Variants in NOVA1 observed in about 807,000 individuals in gnomAD.
NOVA1 encodes RNA-binding protein Nova-1.
A neutral mutation model predicts 38.0 loss-of-function variants in NOVA1; 7 were observed. The ratio of observed to expected loss-of-function variants is 0.18; its 90% CI spans 0.10 to 0.35. The LOEUF is 0.35. Among genes scored for constraint, NOVA1 ranks in the 10% least tolerant of loss-of-function variants. NOVA1 has a pLI of 1.00. For missense variants in NOVA1, 460 were observed against 616.0 expected (o/e 0.75, Z 2.68); for synonymous variants, 270 against 232.5 (o/e 1.16, Z -1.47).
chr14:26,469,793 G>C (rs1346691359), intron 4 of NOVA1, among the ~76,000 whole-genome samples: 2 of 152,066 alleles, frequency 1.3e-5, no homozygotes, highest in African/African-American at 4.8e-5. Flanking sequence ...CAGGGTCTTG[G>C]CTATGTTATG....
chr14:26,587,385 A>C (rs1175997218), intron 2 of NOVA1, among the ~76,000 whole-genome samples: 1 of 150,914 alleles, frequency 6.6e-6, no homozygotes, highest in African/African-American at 2.4e-5. Context: ...GTATGCCTAT[A>C]TTCCTCGAAT....
intron 2 of NOVA1, among the ~76,000 whole-genome samples, chr14:26,482,197 A>G (rs1160859805): frequency 3.9e-5 from 6 of 152,180 alleles, no homozygotes; most frequent in Non-Finnish European, 7.4e-5. Context: ...TTCACATATT[A>G]GCATCTGTGG....
intron 2 of NOVA1, among the ~76,000 whole-genome samples, chr14:26,572,369 C>T (rs1594558096): frequency 6.6e-6 from 1 of 152,200 alleles, no homozygotes; most frequent in African/African-American, 2.4e-5. Context: ...ATAAATAAAA[C>T]AGGAAACACA....
At position 26,445,390 on chromosome 14, in the gene NOVA1, T is replaced by C. The variant is rs1369538179; in HGVS notation, c.*2569A>G. On this transcript the variant is annotated 3_prime_UTR_variant, in exon 5 of 5. Transcript: ENST00000539517. Reference sequence around the variant, plus strand: ...TACACATAATGCATACAAACCCTTATCTGTCACCATAAATTAAAATGTAAT... The same window carrying C: ...TACACATAATGCATACAAACCCTTACCTGTCACCATAAATTAAAATGTAAT... 6.6e-6 allele frequency: 1 copy of C among 152,216 alleles called. No individual in the cohort carries two copies. Among genetic ancestry groups the C allele is most frequent in the Non-Finnish European group, 1.5e-5 (1 of 68,036 alleles). 9.4% of individuals were successfully genotyped at this position (152,216 alleles called of 1,614,324 possible).
At chr14:26,573,504 T>C (rs1892619632) in intron 2 of NOVA1, among the ~76,000 whole-genome samples, 1 of 151,672 alleles carries the variant, frequency 6.6e-6, no homozygotes, top group South Asian at 2.1e-4. Flanking sequence ...AAAGATCTCA[T>C]GAAAAAATTT....
chr14:26,509,245 C>T (rs1358792793), intron 2 of NOVA1, among the ~76,000 whole-genome samples: 1 of 151,572 alleles, frequency 6.6e-6, no homozygotes, highest in Non-Finnish European at 1.5e-5. Flanking sequence ...TAATGCTAGA[C>T]AATGAAAGAA....
intron 2 of NOVA1, among the ~76,000 whole-genome samples, chr14:26,561,004 G>A (rs374718856): frequency 1.1e-4 from 16 of 152,260 alleles, no homozygotes; most frequent in African/African-American, 3.8e-4. Context: ...ATGGTTTTGG[G>A]ATGAAACTGT....
At chr14:26,574,121 G>A (rs1390322658) in intron 2 of NOVA1, among the ~76,000 whole-genome samples, 2 of 151,124 alleles carry the variant, frequency 1.3e-5, no homozygotes, top group Non-Finnish European at 2.9e-5. Context: ...TGCCAACTGG[G>A]CTCAAGCGAT....
intron 2 of NOVA1, among the ~76,000 whole-genome samples, chr14:26,540,072 CAAAGAGACTAATGTAAAA>C (rs1890365796): frequency 6.6e-6 from 1 of 152,086 alleles, no homozygotes; most frequent in Non-Finnish European, 1.5e-5. Context: ...GAAGGAACCA[CAAAGAGACTAATGTAAAA>C]AAAGAGACCT....
rs183318686 is a variant in NOVA1, at chr14:26,467,085, T to C, written c.519+5235A>G. 9.2e-4 allele frequency among the ~76,000 whole-genome samples: 140 copies of C among 152,226 alleles called. 3 individuals are homozygous for C. Among genetic ancestry groups the C allele is most frequent in the Non-Finnish European group, 3.7e-4 (25 of 68,010 alleles). The stretch of plus-strand genomic sequence containing the variant: ...TGTCAGCATATAAAAGCCAAGGTAA[T>C]GGAGAAAGAAGACTCAGAAGAATTC... On this transcript the variant is annotated intron_variant, in intron 4 of 4. Transcript: ENST00000539517.
intron 2 of NOVA1, among the ~76,000 whole-genome samples, chr14:26,522,600 G>GA (rs917150499): frequency 9.9e-5 from 15 of 150,892 alleles, no homozygotes; most frequent in South Asian, 2.1e-4. Flanking sequence ...TTTTCATTCA[G>GA]AAAAAAAAAT....
chr14:26,453,172 G>GTATC (rs1882850239), intron 4 of NOVA1, among the ~76,000 whole-genome samples: 1 of 30,176 alleles, frequency 3.3e-5, no homozygotes, highest in Non-Finnish European at 1.1e-4. Flanking sequence ...AATTATGTAT[G>GTATC]TATGTATGTA....
At chr14:26,470,536 C>G (rs767059565) in intron 4 of NOVA1, 1 of 1,271,070 alleles carries the variant, frequency 7.9e-7, no homozygotes, top group Non-Finnish European at 1.1e-6. Flanking sequence ...AACAATATAA[C>G]AGAGTATAGT....
intron 2 of NOVA1, among the ~76,000 whole-genome samples, chr14:26,585,718 T>C (rs1024635119): frequency 7.9e-5 from 12 of 151,312 alleles, no homozygotes; most frequent in African/African-American, 2.2e-4. Flanking sequence ...AAGGTGGTCT[T>C]CATTTCAGAG....
At chr14:26,513,781 CTAT>C (rs1202026579) in intron 2 of NOVA1, among the ~76,000 whole-genome samples, 4 of 151,502 alleles carry the variant, frequency 2.6e-5, no homozygotes, top group Non-Finnish European at 4.4e-5. Flanking sequence ...AGAAATGAAA[CTAT>C]TATTAAAAGT....
chr14:26,484,090 AC>A (rs1885673698), intron 2 of NOVA1, among the ~76,000 whole-genome samples: 1 of 152,126 alleles, frequency 6.6e-6, no homozygotes, highest in Non-Finnish European at 1.5e-5. Context: ...AAATGAGTAA[AC>A]TTTTTAGGCA....
At chr14:26,495,794 A>G (rs1371982851) in intron 2 of NOVA1, among the ~76,000 whole-genome samples, 5 of 144,708 alleles carry the variant, frequency 3.5e-5, no homozygotes, top group Admixed American at 1.4e-4. Flanking sequence ...ATGATTTCCA[A>G]TTTCATCCAT....
intron 2 of NOVA1, among the ~76,000 whole-genome samples, chr14:26,538,032 T>C (rs1027336144): frequency 2.0e-5 from 3 of 152,114 alleles, no homozygotes; most frequent in African/African-American, 7.2e-5. Context: ...GGCTGAGAAG[T>C]GTCCAGATTG....
intron 2 of NOVA1, among the ~76,000 whole-genome samples, chr14:26,584,991 G>A (rs1446128280): frequency 1.3e-5 from 2 of 151,230 alleles, no homozygotes; most frequent in African/African-American, 4.8e-5. Flanking sequence ...AAACAGACAA[G>A]AAACACTATG....
Sources: gnomAD v4.1 joint callset for allele counts (sites outside exome capture counted in the v4.1 genomes callset) on GRCh38, gnomAD v4.1.1 for gene constraint, MANE v1.5 for transcripts, NCBI Gene and HGNC (gene_info 2026-07-23, HGNC 2026-07-21) for gene names.